The following NCAM2 variants were observed in gnomAD, a reference collection of about 807,000 sequenced individuals.
The protein encoded by NCAM2 is N-CAM-2.
NCAM2 carries 30 observed loss-of-function variants against 98.1 expected under a neutral mutation model. That is an observed-to-expected ratio of 0.31 (90% CI 0.23 to 0.41). The LOEUF (loss-of-function observed/expected upper bound fraction) is 0.41, where lower values mean the gene tolerates loss of function less well. Ranked by LOEUF, NCAM2 falls within the 10% of genes least tolerant of loss-of-function variation. The pLI is 1.00. For missense variants in NCAM2, 867 were observed against 1,005.8 expected (o/e 0.86, Z 1.87); for synonymous variants, 368 against 342.4 (o/e 1.07, Z -0.83).
chr21:21,105,225 C>T (rs1256115929), intron 1 of NCAM2, among the ~76,000 whole-genome samples: 1 of 152,086 alleles, frequency 6.6e-6, no homozygotes. Flanking sequence ...TGAAGTAGGA[C>T]TTCATAGACA....
chr21:21,508,030 C>T lies in NCAM2; in HGVS notation c.2078-821C>T, dbSNP rs533749202. Among the ~76,000 whole-genome samples the T allele has an allele frequency of 4.7e-4, 71 of 152,196 alleles. 1 individual carries two copies. The South Asian group carries it at 0.014, about 31-fold the overall frequency. On this transcript the variant is annotated intron_variant, in intron 15 of 17. Transcript: ENST00000400546. ...GATTCATCTTCATTACTACTTGCTCCACTTGCCATTTCAATTTTATCAATC... is the reference window on the plus strand; with the variant it reads ...GATTCATCTTCATTACTACTTGCTCTACTTGCCATTTCAATTTTATCAATC...
chr21:21,457,566 G>A (rs1306737971), intron 12 of NCAM2, among the ~76,000 whole-genome samples: 2 of 152,024 alleles, frequency 1.3e-5, no homozygotes, highest in Admixed American at 6.6e-5. Context: ...CTTGAACCCA[G>A]GAGGCAGAGG....
At chr21:21,171,128 A>G (rs1225543474) in intron 1 of NCAM2, among the ~76,000 whole-genome samples, 3 of 152,226 alleles carry the variant, frequency 2.0e-5, no homozygotes, top group South Asian at 2.1e-4. Context: ...TGCATTAAAC[A>G]TTGGCTGAGA....
chr21:21,154,730 A>G (rs1332698196), intron 1 of NCAM2, among the ~76,000 whole-genome samples: 1 of 151,890 alleles, frequency 6.6e-6, no homozygotes, highest in Non-Finnish European at 1.5e-5. Flanking sequence ...GATTTAAGCT[A>G]AATATTTGTG....
intron 9 of NCAM2, among the ~76,000 whole-genome samples, chr21:21,396,403 G>C (rs939065302): frequency 2.3e-4 from 35 of 152,216 alleles, no homozygotes; most frequent in African/African-American, 8.2e-4. Context: ...TTAGACTGCT[G>C]GTGGGGATGT....
intron 17 of NCAM2, 56 bp from the exon 18 acceptor site, chr21:21,537,790 A>T: frequency 1.2e-6 from 1 of 841,910 alleles, no homozygotes; most frequent in Non-Finnish European, 1.9e-6. Context: ...TTAAAGGTTA[A>T]GGTACGTCTC....
intron 16 of NCAM2, among the ~76,000 whole-genome samples, chr21:21,531,540 A>AT (rs11450486): frequency 0.67 from 101,623 of 152,086 alleles, 34,849 homozygotes; most frequent in East Asian, 0.98. Context: ...TTTAGGTCTG[A>AT]ACACCTCCCT....
intron 12 of NCAM2, among the ~76,000 whole-genome samples, chr21:21,436,613 G>C (rs758963670): frequency 1.3e-5 from 2 of 152,012 alleles, no homozygotes; most frequent in African/African-American, 2.4e-5. Flanking sequence ...ATTGTTTCAA[G>C]TACCAAAAGC....
intron 12 of NCAM2, among the ~76,000 whole-genome samples, chr21:21,449,305 C>A (rs1209924882): frequency 6.6e-6 from 1 of 151,394 alleles, no homozygotes; most frequent in Non-Finnish European, 1.5e-5. Flanking sequence ...ATGAATATTT[C>A]ATGAGTGTTT....
intron 12 of NCAM2, among the ~76,000 whole-genome samples, chr21:21,453,910 G>A (rs1981725755): frequency 6.6e-6 from 1 of 151,940 alleles, no homozygotes; most frequent in Non-Finnish European, 1.5e-5. Flanking sequence ...TCTTCGGTAT[G>A]GTGTTTTTAT....
chr21:21,301,491 C>T (rs1300020534), intron 5 of NCAM2, among the ~76,000 whole-genome samples: 18 of 142,354 alleles, frequency 1.3e-4, no homozygotes, highest in Non-Finnish European at 2.3e-4. Context: ...CCCACTAACT[C>T]GTCATCTAGC....
chr21:21,530,507 A>T (rs1989631826), intron 16 of NCAM2, among the ~76,000 whole-genome samples: 1 of 150,608 alleles, frequency 6.6e-6, no homozygotes, highest in Admixed American at 6.6e-5. Context: ...CTTCCCAATA[A>T]TTTTCCATGT....
At chr21:21,339,191 C>CA (rs1490118331) in intron 8 of NCAM2, among the ~76,000 whole-genome samples, 1 of 151,944 alleles carries the variant, frequency 6.6e-6, no homozygotes, top group Non-Finnish European at 1.5e-5. Context: ...AATTTAAATT[C>CA]AAAAAAGTCT....
intron 12 of NCAM2, among the ~76,000 whole-genome samples, chr21:21,444,308 T>G (rs1034928450): frequency 6.6e-6 from 1 of 152,186 alleles, no homozygotes; most frequent in African/African-American, 2.4e-5. Flanking sequence ...TTCTGTTGTG[T>G]CTCTGCCAGG....
chr21:21,069,333 T>C (rs1483585989), intron 1 of NCAM2, among the ~76,000 whole-genome samples: 2 of 152,230 alleles, frequency 1.3e-5, no homozygotes, highest in African/African-American at 4.8e-5. Context: ...AATATTTTTA[T>C]TTAACCTTTA....
intron 8 of NCAM2, among the ~76,000 whole-genome samples, chr21:21,353,326 T>C (rs1556310): frequency 0.72 from 110,024 of 152,062 alleles, 40,178 homozygotes; most frequent in Middle Eastern, 0.79. Flanking sequence ...TCCGTATAGC[T>C]ACAAAGTTTA....
At chr21:21,249,311 A>C (rs2071394976) in intron 1 of NCAM2, among the ~76,000 whole-genome samples, 3 of 152,152 alleles carry the variant, frequency 2.0e-5, no homozygotes, top group Non-Finnish European at 4.4e-5. Flanking sequence ...GATGCACTTG[A>C]GAAAAGTTAC....
chr21:21,321,192 G>C (rs2074365879), intron 5 of NCAM2, among the ~76,000 whole-genome samples: 1 of 152,052 alleles, frequency 6.6e-6, no homozygotes, highest in Non-Finnish European at 1.5e-5. Flanking sequence ...TCATATGTTT[G>C]CTGGTTGCTT....
At chr21:21,217,696 G>A (rs1267839397) in intron 1 of NCAM2, among the ~76,000 whole-genome samples, 3 of 152,098 alleles carry the variant, frequency 2.0e-5, no homozygotes, top group Non-Finnish European at 4.4e-5. Flanking sequence ...TGGATCCAGT[G>A]TAGTCACATC....
Sources: allele counts gnomAD v4.1 joint callset (sites outside exome capture counted in the v4.1 genomes callset), GRCh38; gene constraint gnomAD v4.1.1; transcripts MANE v1.5; gene names NCBI Gene and HGNC (gene_info 2026-07-23, HGNC 2026-07-21).